ENOSF1: variants seen among roughly 807,000 people sequenced by gnomAD.
The protein encoded by ENOSF1 is enolase superfamily member 1.
In ENOSF1, 73 loss-of-function variants were observed where a neutral mutation model predicts 68.2. The observed-to-expected ratio is 1.07, with a 90% CI of 0.89 to 1.30. The LOEUF (loss-of-function observed/expected upper bound fraction) is 1.30, where lower values mean the gene tolerates loss of function less well. Among genes scored for constraint, ENOSF1 ranks in the 50% most tolerant of loss-of-function variants. The probability of loss-of-function intolerance (pLI) is 0.00; values close to 1 mark genes in which losing one functional copy is unlikely to be tolerated. For synonymous variants in ENOSF1, 223 were observed against 210.4 expected (o/e 1.06, Z -0.52); for missense variants, 589 against 554.5 (o/e 1.06, Z -0.62).
At chr18:680,288 G>C (rs1439197745) in intron 11 of ENOSF1, among the ~76,000 whole-genome samples, 1 of 152,158 alleles carries the variant, frequency 6.6e-6, no homozygotes, top group East Asian at 1.9e-4. Flanking sequence ...GGTCTCTAAG[G>C]CACCTTTTCA....
At chr18:698,509 A>G (rs888954884) in intron 2 of ENOSF1, among the ~76,000 whole-genome samples, 11 of 152,370 alleles carry the variant, frequency 7.2e-5, no homozygotes, top group Middle Eastern at 3.4e-3. Flanking sequence ...CTGTCTTAAC[A>G]TGAAATTTCT....
chr18:688,749 G>A (rs2076868663), intron 8 of ENOSF1, 141 bp from the exon 9 acceptor site: 1 of 705,364 alleles, frequency 1.4e-6, no homozygotes, highest in Non-Finnish European at 2.4e-6. Context: ...GAAATTAACA[G>A]CAGAAACAGC....
At chr18:710,851 C>T (rs2079446908) in intron 1 of ENOSF1, among the ~76,000 whole-genome samples, 2 of 152,152 alleles carry the variant, frequency 1.3e-5, no homozygotes, top group Non-Finnish European at 2.9e-5. Context: ...TGCATGAGAT[C>T]GAGTGTTTGG....
chr18:684,864 ATTT>A (rs60666075), intron 10 of ENOSF1, among the ~76,000 whole-genome samples: 1 of 147,626 alleles, frequency 6.8e-6, no homozygotes, highest in Non-Finnish European at 1.5e-5. Flanking sequence ...CTCAGAATGG[ATTT>A]TTTTTTTTTA....
intron 7 of ENOSF1, 166 bp downstream of exon 7, chr18:690,895 CAGTCAGA>C (rs1218295384): frequency 8.3e-7 from 1 of 1,206,570 alleles, no homozygotes; most frequent in African/African-American, 1.5e-5. Flanking sequence ...GCAAACTCTG[CAGTCAGA>C]GGTCATACCC....
chr18:688,182 GA>G (rs2076810482), intron 9 of ENOSF1: 2 of 162,544 alleles, frequency 1.2e-5, no homozygotes, highest in African/African-American at 4.9e-5. Flanking sequence ...AAAAAAAAGA[GA>G]AGAAAAGACC....
Position 691,244 on chromosome 18 carries a change from G to T in ENOSF1, c.456C>A (p.Phe152Leu). The change falls in exon 6 of 16, where the codon TTC becomes TTA. Residue 152 changes from phenylalanine (F) to leucine (L), a missense_variant. By Grantham distance (22) the Phe-to-Leu change is conservative. Coordinates refer to ENST00000647584, the MANE Select transcript of ENOSF1 (RefSeq NM_017512.7). ...DPRMLVSCID[F>L]RYITDVLTEE... ...CAGTCAGGACATCAGTGATGTACCT[G>T]AAATCTATGCAGGATACCAGCATCC... 6.2e-7 allele frequency: 1 copy of T among 1,614,194 alleles called. No homozygotes were observed. Among genetic ancestry groups the T allele is most frequent in the South Asian group, 1.1e-5 (1 of 91,076 alleles).
intron 2 of ENOSF1, among the ~76,000 whole-genome samples, chr18:698,541 ATAC>A (rs1267345624): frequency 2.0e-5 from 3 of 152,228 alleles, no homozygotes; most frequent in Non-Finnish European, 2.9e-5. Context: ...TTCTTATGAT[ATAC>A]TACATTTTTC....
At chr18:712,359 C>G in intron 1 of ENOSF1, 145 bp downstream of exon 1, 4 of 1,404,240 alleles carry the variant, frequency 2.8e-6, no homozygotes, top group East Asian at 6.6e-5. Context: ...GCCGCGCGTA[C>G]CATGGCGTCC....
At chr18:677,602 G>C (rs555565855) in intron 13 of ENOSF1, 141 bp downstream of exon 13, 2 of 1,321,108 alleles carry the variant, frequency 1.5e-6, no homozygotes, top group African/African-American at 3.0e-5. Flanking sequence ...AAAATTCCCG[G>C]ATTAAAGCTA....
intron 10 of ENOSF1, among the ~76,000 whole-genome samples, chr18:685,204 C>G (rs1269804219): frequency 6.6e-6 from 1 of 151,710 alleles, no homozygotes; most frequent in African/African-American, 2.4e-5. Flanking sequence ...TGGGGTTTTT[C>G]CATGTTGCCA....
intron 2 of ENOSF1, among the ~76,000 whole-genome samples, chr18:704,067 G>A (rs955531626): frequency 2.6e-5 from 4 of 152,086 alleles, no homozygotes; most frequent in African/African-American, 9.7e-5. Flanking sequence ...TGTAAAACCT[G>A]CAGAACCATG....
At position 671,785 on chromosome 18, in the gene ENOSF1, CTTTTTT is replaced by C. The variant is rs58489074; in HGVS notation, c.*2514_*2519del. The C allele has an allele frequency of 2.0e-5, 5 of 245,654 alleles. No homozygotes were observed. The South Asian group carries it at 2.7e-4, about 13-fold the overall frequency. 15.2% of individuals were successfully genotyped at this position (245,654 alleles called of 1,614,324 possible). On this transcript the variant is annotated 3_prime_UTR_variant, in exon 16 of 16. Transcript: ENST00000647584. ...TTGAAGTGCAAATGTTTTTCCTTTTCTTTTTTTTTTGAGATGGAGTCTTTCTCTGTC... is the reference window on the plus strand; with the variant it reads ...TTGAAGTGCAAATGTTTTTCCTTTTCTTTTGAGATGGAGTCTTTCTCTGTC...
chr18:708,625 T>C (rs2079189020), intron 1 of ENOSF1, among the ~76,000 whole-genome samples: 1 of 152,174 alleles, frequency 6.6e-6, no homozygotes, highest in Non-Finnish European at 1.5e-5. Context: ...GTTAGCTGAA[T>C]GTGCTTCTTG....
intron 10 of ENOSF1, among the ~76,000 whole-genome samples, chr18:684,213 T>C (rs2076400488): frequency 6.6e-6 from 1 of 151,856 alleles, no homozygotes; most frequent in Non-Finnish European, 1.5e-5. Context: ...GCCAGGATGG[T>C]CTCAATCTCC....
Position 677,423 on chromosome 18 carries a change from C to T in ENOSF1, c.1070G>A (p.Gly357Asp). The T allele has an allele frequency of 6.2e-7, 1 of 1,613,538 alleles. No homozygotes were observed. The highest frequency in any genetic ancestry group is 8.5e-7 in the Non-Finnish European group (1 of 1,179,922). Residue 357 changes from glycine to aspartate, a missense_variant, in exon 14 of 16, where the codon GGT becomes GAT. By Grantham distance (94) the Gly-to-Asp change is moderately conservative. Transcript: ENST00000647584. ...KFEIPVCPHAGGVGLCELVQH... is the reference protein window; with the variant it reads ...KFEIPVCPHADGVGLCELVQH... ...CACCAGTTCACAGAGGCCAACTCCA[C>T]CAGCATGGGGGCAAACAGGAACTAA...
intron 10 of ENOSF1, among the ~76,000 whole-genome samples, chr18:685,355 TA>T (rs890723514): frequency 9.6e-4 from 139 of 144,610 alleles, no homozygotes; most frequent in Middle Eastern, 3.5e-3. Context: ...ATGACTTCAT[TA>T]AAAAAAAAAA....
At chr18:688,145 T>C (rs977354793) in intron 9 of ENOSF1, 2 of 152,442 alleles carry the variant, frequency 1.3e-5, no homozygotes, top group Non-Finnish European at 2.8e-5. Flanking sequence ...CCAGTCTGGG[T>C]GACGAGAGTG....
At position 671,183 on chromosome 18, in the gene ENOSF1, C is replaced by A. The variant is rs1369291009; in HGVS notation, c.*3122G>T. On this transcript the variant is annotated 3_prime_UTR_variant, in exon 16 of 16. Coordinates refer to ENST00000647584, the MANE Select transcript of ENOSF1 (RefSeq NM_017512.7). Reference sequence around the variant, plus strand: ...GCACTTTGGGAGACTGAGACAGGAGCAATTGCTTGAGGTCTGGAGTTCAAT... The same window carrying A: ...GCACTTTGGGAGACTGAGACAGGAGAAATTGCTTGAGGTCTGGAGTTCAAT... The A allele has an allele frequency of 3.3e-6, 2 of 613,730 alleles. No individual in the cohort carries two copies. Among genetic ancestry groups the A allele is most frequent in the Admixed American group, 2.9e-5 (1 of 34,284 alleles). 38.0% of individuals were successfully genotyped at this position (613,730 alleles called of 1,614,324 possible).
Sources: gnomAD v4.1 joint callset for allele counts (sites outside exome capture counted in the v4.1 genomes callset) on GRCh38, gnomAD v4.1.1 for gene constraint, MANE v1.5 for transcripts, NCBI Gene and HGNC (gene_info 2026-07-23, HGNC 2026-07-21) for gene names.